The following RUVBL2 variants were observed in gnomAD, a reference collection of about 807,000 sequenced individuals.
RUVBL2 encodes RuvB like AAA ATPase 2.
Under a neutral mutation model 57.9 loss-of-function variants are expected in RUVBL2, and 9 were observed. That is an observed-to-expected ratio of 0.16 (90% CI 0.09 to 0.27). The LOEUF (loss-of-function observed/expected upper bound fraction) is 0.27. RUVBL2 is among the 10% of genes least tolerant of loss of function. The pLI is 1.00. For synonymous variants in RUVBL2, 278 were observed against 264.6 expected (o/e 1.05, Z -0.49); for missense variants, 456 against 669.6 (o/e 0.68, Z 3.52).
intron 11 of RUVBL2, among the ~76,000 whole-genome samples, chr19:49,012,849 A>ACACACG (rs1362791917): frequency 3.5e-5 from 5 of 143,462 alleles, no homozygotes; most frequent in Non-Finnish European, 5.9e-5. Flanking sequence ...CCCACCACAC[A>ACACACG]CACACACACA....
intron 11 of RUVBL2, among the ~76,000 whole-genome samples, chr19:49,012,736 A>AT (rs1173193531): frequency 6.6e-6 from 1 of 152,108 alleles, no homozygotes; most frequent in African/African-American, 2.4e-5. Context: ...GTTGTATTCT[A>AT]TTTAGTGCTA....
chr19:49,001,040 C>A (rs1247575593), intron 2 of RUVBL2, among the ~76,000 whole-genome samples: 2 of 151,912 alleles, frequency 1.3e-5, no homozygotes, highest in Non-Finnish European at 2.9e-5. Context: ...ATGCCTGAGT[C>A]CCAGCTACTT....
At chr19:48,996,152 A>G (rs972973812) in intron 1 of RUVBL2, among the ~76,000 whole-genome samples, 2 of 150,030 alleles carry the variant, frequency 1.3e-5, no homozygotes, top group African/African-American at 4.9e-5. Context: ...TCTTATCTCA[A>G]AAAAAAAAAC....
intron 8 of RUVBL2, 29 bp from the exon 9 acceptor site, chr19:49,010,459 G>A (rs2303051): frequency 0.037 from 56,705 of 1,515,564 alleles, 1,985 homozygotes; most frequent in Non-Finnish European, 0.039. Context: ...CCCTGTCTCC[G>A]CCGTTCTTCC....
At position 49,003,302 on chromosome 19, in the gene RUVBL2, C is replaced by G. The variant is rs202245437; in HGVS notation, c.91C>G (p.Leu31Val). The G allele has an allele frequency of 6.2e-7, 1 of 1,614,062 alleles. No homozygotes were observed. The highest frequency in any genetic ancestry group is 1.3e-5 in the African/African-American group (1 of 75,038). The change falls in exon 3 of 15, where the codon CTG becomes GTG. Residue 31 changes from leucine to valine, a missense_variant. This residue lies in a region of RUVBL2 where 4 missense variants were observed against 25.3 expected (regional missense o/e 0.16). Transcript: ENST00000595090. ...RIGAHSHIRG[L>V]GLDDALEPRQ... ...AGGTGCCCACTCCCACATCCGGGGA[C>G]TGGGGCTGGACGATGCCTTGGAGCC... is the stretch of plus-strand genomic sequence containing the variant.
intron 4 of RUVBL2, among the ~76,000 whole-genome samples, chr19:49,005,674 C>T (rs1353217282): frequency 1.3e-5 from 2 of 150,432 alleles, no homozygotes; most frequent in Admixed American, 6.6e-5. Context: ...TTCACTCTGT[C>T]GCTCAGGCTG....
At chr19:48,996,245 A>G (rs1161768312) in intron 1 of RUVBL2, among the ~76,000 whole-genome samples, 2 of 152,108 alleles carry the variant, frequency 1.3e-5, no homozygotes, top group Non-Finnish European at 2.9e-5. Context: ...TTTCCTTATT[A>G]GAAATTATGA....
intron 2 of RUVBL2, among the ~76,000 whole-genome samples, chr19:49,002,056 G>GT (rs376204430): frequency 0.06 from 8,761 of 145,240 alleles, 362 homozygotes; most frequent in Admixed American, 0.098. Context: ...GTTTTTTGTT[G>GT]TTTTTTTTTT....
intron 8 of RUVBL2, 53 bp from the exon 9 acceptor site, chr19:49,010,435 C>T: frequency 6.2e-7 from 1 of 1,602,362 alleles, no homozygotes; most frequent in Non-Finnish European, 8.5e-7. Flanking sequence ...GGGCCCCCTT[C>T]ATGCCCTTCC....
At chr19:49,014,755 G>A (rs962017406) in intron 12 of RUVBL2, 152 bp downstream of exon 12, 31 of 1,179,882 alleles carry the variant, frequency 2.6e-5, no homozygotes, top group South Asian at 2.3e-4. Flanking sequence ...CCTCCGATCC[G>A]GGAGCAGGAG....
At chr19:48,993,743 A>G (rs1200133789), upstream of RUVBL2, 1 of 808,918 alleles carries the variant, frequency 1.2e-6, no homozygotes, top group Non-Finnish European at 2.0e-6. Context: ...CTTCCAGCGC[A>G]GCCTCGGTGG....
At chr19:48,995,979 T>G (rs2039049595) in intron 1 of RUVBL2, among the ~76,000 whole-genome samples, 1 of 143,054 alleles carries the variant, frequency 7.0e-6, no homozygotes, top group Non-Finnish European at 1.5e-5. Context: ...AGAGTAAGGC[T>G]GTGTCTCAAA....
At chr19:48,997,786 TG>T (rs1455936334) in intron 1 of RUVBL2, among the ~76,000 whole-genome samples, 2 of 152,168 alleles carry the variant, frequency 1.3e-5, no homozygotes. Context: ...AGTGCTGCCG[TG>T]AACACTCGTG....
At chr19:49,012,898 C>T (rs1025804120) in intron 11 of RUVBL2, among the ~76,000 whole-genome samples, 3 of 151,018 alleles carry the variant, frequency 2.0e-5, no homozygotes, top group South Asian at 4.2e-4. Flanking sequence ...CCCTGGGACT[C>T]AATCAGTCCT....
chr19:49,008,033 T>C (rs1021756179), intron 6 of RUVBL2, among the ~76,000 whole-genome samples: 7 of 146,792 alleles, frequency 4.8e-5, no homozygotes, highest in Non-Finnish European at 9.0e-5. Context: ...TTTTTTTTTT[T>C]ACAATTTCTG....
At chr19:49,001,272 C>T (rs2039175216) in intron 2 of RUVBL2, 1 of 151,426 alleles carries the variant, frequency 6.6e-6, no homozygotes. Context: ...CGCCATTCTC[C>T]TGCCTCAGCC....
intron 8 of RUVBL2, 37 bp downstream of exon 8, chr19:49,010,103 C>G: frequency 6.3e-7 from 1 of 1,575,656 alleles, no homozygotes; most frequent in Non-Finnish European, 8.7e-7. Context: ...TCGCCCCCAG[C>G]ACTGGGGTGT....
rs369214896 is a variant in RUVBL2, at chr19:49,011,324, A to G, written c.1001+14A>G. 60 of 1,605,636 alleles carry G rather than the reference A, an allele frequency of 3.7e-5. No homozygotes were observed. Among genetic ancestry groups the G allele is most frequent in the Non-Finnish European group, 4.9e-5 (58 of 1,173,102 alleles). ...TGGCATCACGCGGTGAGCCGGCTAC[A>G]GGGGCCTCTGGGGAAAACAGGATGC... On this transcript the variant is annotated intron_variant, in intron 11 of 14. Transcript: ENST00000595090. The surrounding 1 kb of genome is among the most constrained non-coding windows in gnomAD (Gnocchi z 4.4).
chr19:48,993,856 A>T (rs1338804719), upstream of RUVBL2: 1 of 1,609,642 alleles, frequency 6.2e-7, no homozygotes, highest in African/African-American at 1.3e-5. Context: ...GAGCCAGAAC[A>T]TCTCGCTCCT....
Sources: gnomAD v4.1 joint callset for allele counts (sites outside exome capture counted in the v4.1 genomes callset) on GRCh38, gnomAD v4.1.1 for gene constraint, gnomAD v4.1.1 regional missense constraint, Gnocchi (gnomAD v3.1) non-coding constraint, MANE v1.5 for transcripts, NCBI Gene and HGNC (gene_info 2026-07-23, HGNC 2026-07-21) for gene names.